Variants in KCMF1 observed in about 807,000 individuals in gnomAD.
KCMF1 encodes potassium channel modulatory factor 1, also known as E3 ubiquitin-protein ligase KCMF1.
In KCMF1, 3 loss-of-function variants were observed where a neutral mutation model predicts 41.1. The observed-to-expected ratio is 0.07, with a 90% confidence interval of 0.03 to 0.19. The LOEUF (loss-of-function observed/expected upper bound fraction) is 0.19. KCMF1 is among the 10% of genes least tolerant of loss of function. The probability of loss-of-function intolerance (pLI) is 1.00; values close to 1 mark genes in which losing one functional copy is unlikely to be tolerated. For missense variants in KCMF1, 286 were observed against 488.9 expected (o/e 0.58, Z 3.91); for synonymous variants, 142 against 164.5 (o/e 0.86, Z 1.04).
intron 6 of KCMF1, among the ~76,000 whole-genome samples, chr2:85,052,680 TTAAA>T (rs1163829604): frequency 6.6e-6 from 1 of 152,218 alleles, no homozygotes; most frequent in Non-Finnish European, 1.5e-5. Flanking sequence ...CCAAGAAGAA[TTAAA>T]TAGAGTAATA....
chr2:84,988,112 A>G (rs1367655937), intron 1 of KCMF1, among the ~76,000 whole-genome samples: 5 of 152,118 alleles, frequency 3.3e-5, no homozygotes, highest in Non-Finnish European at 7.4e-5. Context: ...CATGCCTGTA[A>G]TCCCAGCTAC....
chr2:85,018,802 T>TTC (rs1459224604), intron 1 of KCMF1, among the ~76,000 whole-genome samples: 1 of 130,516 alleles, frequency 7.7e-6, no homozygotes, highest in Non-Finnish European at 1.6e-5. Context: ...TTGATTTTTT[T>TTC]TTTTTTTTTT....
chr2:85,033,601 A>T (rs772477151), intron 2 of KCMF1, among the ~76,000 whole-genome samples: 1 of 152,102 alleles, frequency 6.6e-6, no homozygotes, highest in Non-Finnish European at 1.5e-5. Context: ...CTTTAAAACA[A>T]CTCACTCTCA....
chr2:84,991,692 A>C (rs1182947948), intron 1 of KCMF1, among the ~76,000 whole-genome samples: 3 of 152,164 alleles, frequency 2.0e-5, no homozygotes, highest in African/African-American at 7.2e-5. Context: ...ATTTCTCTCC[A>C]ATATAATCAA....
chr2:85,047,058 G>T (rs1407475598), intron 5 of KCMF1, among the ~76,000 whole-genome samples: 1 of 152,118 alleles, frequency 6.6e-6, no homozygotes, highest in East Asian at 1.9e-4. Context: ...TATGTATAGG[G>T]TTCTGTATTA....
At chr2:85,043,420 C>A in intron 3 of KCMF1, 144 bp from the exon 4 acceptor site, 1 of 647,070 alleles carries the variant, frequency 1.5e-6, no homozygotes, top group East Asian at 2.7e-5. Flanking sequence ...GCTTAGGTTT[C>A]TACTGCTTTT....
chr2:85,049,939 G>A (rs1055403582), intron 6 of KCMF1, among the ~76,000 whole-genome samples: 3 of 152,048 alleles, frequency 2.0e-5, no homozygotes, highest in East Asian at 1.9e-4. Context: ...CAAGCAGATC[G>A]CCAGAGCCCA....
intron 1 of KCMF1, among the ~76,000 whole-genome samples, chr2:85,021,645 G>C (rs1299122112): frequency 6.6e-6 from 1 of 151,908 alleles, no homozygotes; most frequent in African/African-American, 2.4e-5. Context: ...TACTGCATCT[G>C]AATGAGATAA....
chr2:85,045,249 T>C (rs892446259), intron 4 of KCMF1, among the ~76,000 whole-genome samples: 1 of 151,540 alleles, frequency 6.6e-6, no homozygotes, highest in Non-Finnish European at 1.5e-5. Context: ...AAGATACATA[T>C]ATATATGTAT....
intron 1 of KCMF1, among the ~76,000 whole-genome samples, chr2:85,027,619 C>A (rs1574032961): frequency 6.6e-6 from 1 of 151,998 alleles, no homozygotes; most frequent in African/African-American, 2.4e-5. Context: ...AAGTGATCCA[C>A]CCGCCTCGAC....
intron 2 of KCMF1, among the ~76,000 whole-genome samples, chr2:85,028,943 A>G (rs887196985): frequency 3.3e-5 from 5 of 152,156 alleles, no homozygotes; most frequent in African/African-American, 1.2e-4. Flanking sequence ...TCGTGCTATT[A>G]ACACACAAAT....
intron 1 of KCMF1, among the ~76,000 whole-genome samples, chr2:85,013,065 G>C (rs940654646): frequency 6.6e-6 from 1 of 152,142 alleles, no homozygotes; most frequent in African/African-American, 2.4e-5. Flanking sequence ...TGAGTCTGTT[G>C]TACTTCCCCA....
chr2:84,998,258 A>AT (rs1474282143), intron 1 of KCMF1, among the ~76,000 whole-genome samples: 3 of 147,472 alleles, frequency 2.0e-5, no homozygotes, highest in East Asian at 2.0e-4. Context: ...TGCCCGGCTG[A>AT]TTTTTTTTGT....
intron 1 of KCMF1, among the ~76,000 whole-genome samples, chr2:85,019,990 A>G (rs1674890570): frequency 6.6e-6 from 1 of 152,174 alleles, no homozygotes; most frequent in Non-Finnish European, 1.5e-5. Context: ...GCTTACAGTT[A>G]CGGAACTCTA....
intron 1 of KCMF1, among the ~76,000 whole-genome samples, chr2:84,984,375 A>G (rs538156887): frequency 3.9e-5 from 6 of 152,282 alleles, no homozygotes; most frequent in African/African-American, 1.4e-4. Context: ...TGCTACGATT[A>G]CAGATGTGAG....
chr2:85,025,648 A>T (rs2104025189), intron 1 of KCMF1, among the ~76,000 whole-genome samples: 1 of 152,180 alleles, frequency 6.6e-6, no homozygotes, highest in South Asian at 2.1e-4. Context: ...CCGCTCTGTC[A>T]CCCAGGCTGG....
chr2:85,026,488 TA>T (rs1304591969), intron 1 of KCMF1, among the ~76,000 whole-genome samples: 5 of 146,852 alleles, frequency 3.4e-5, no homozygotes, highest in African/African-American at 1.2e-4. Context: ...TTATTATTAT[TA>T]TTATTATTTT....
intron 1 of KCMF1, among the ~76,000 whole-genome samples, chr2:84,996,061 C>G (rs967048338): frequency 1.3e-5 from 2 of 152,134 alleles, no homozygotes; most frequent in African/African-American, 4.8e-5. Context: ...GTTTCAAGTT[C>G]CAAGCAATTG....
At chr2:85,003,868 A>C (rs1674398451) in intron 1 of KCMF1, among the ~76,000 whole-genome samples, 1 of 152,192 alleles carries the variant, frequency 6.6e-6, no homozygotes, top group African/African-American at 2.4e-5. Flanking sequence ...GAAGCTAAAA[A>C]GGGTTAGCAT....
Sources: allele counts gnomAD v4.1 joint callset (sites outside exome capture counted in the v4.1 genomes callset), GRCh38; gene constraint gnomAD v4.1.1; transcripts MANE v1.5; gene names NCBI Gene and HGNC (gene_info 2026-07-23, HGNC 2026-07-21).